ZNF610: variants seen among roughly 807,000 people sequenced by gnomAD.
ZNF610 encodes zinc finger protein 610, also known as zink finger protein.
In ZNF610, 14 loss-of-function variants were observed where a neutral mutation model predicts 14.1. The ratio of observed to expected loss-of-function variants is 0.99; its 90% CI spans 0.65 to 1.55. ZNF610 has a LOEUF of 1.55. Among genes scored for constraint, ZNF610 ranks in the 40% most tolerant of loss-of-function variants. ZNF610 has a pLI of 0.00. For synonymous variants in ZNF610, 185 were observed against 187.6 expected (o/e 0.99, Z 0.11); for missense variants, 530 against 558.0 (o/e 0.95, Z 0.51).
chr19:52,332,460 A>T (rs1339085635), upstream of ZNF610, among the ~76,000 whole-genome samples: 1 of 152,180 alleles, frequency 6.6e-6, no homozygotes, highest in Non-Finnish European at 1.5e-5. The surrounding 1 kb of genome is among the most constrained non-coding windows in gnomAD (Gnocchi z 4.1). Context: ...TGCCATTATC[A>T]TCTTCTTATT....
chr19:52,359,795 C>G (rs1267327191), intron 5 of ZNF610, among the ~76,000 whole-genome samples: 3 of 152,144 alleles, frequency 2.0e-5, no homozygotes, highest in Non-Finnish European at 4.4e-5. Context: ...GTGTCAAAGG[C>G]TTCCCCCATT....
At chr19:52,350,233 T>C (rs1189603885) in intron 3 of ZNF610, among the ~76,000 whole-genome samples, 1 of 152,220 alleles carries the variant, frequency 6.6e-6, no homozygotes, top group Non-Finnish European at 1.5e-5. Flanking sequence ...ATTTGTTTTA[T>C]AGGAAGACAC....
In ZNF610 at chr19:52,367,016, C is replaced by G. The variant is rs1986133669; in HGVS notation, c.*249C>G. ...ATGAAAACTACCAGTATAGCATATT[C>G]TTGAGTAGGATTCACATTTAACTGC... On this transcript the variant is annotated 3_prime_UTR_variant, in exon 6 of 6. Coordinates refer to ENST00000403906, the MANE Select transcript of ZNF610 (RefSeq NM_001161425.2). 4.8e-6 allele frequency: 2 copies of G among 415,666 alleles called. No individual in the cohort carries two copies. Among genetic ancestry groups the G allele is most frequent in the Non-Finnish European group, 8.5e-6 (2 of 236,358 alleles). 25.7% of individuals were successfully genotyped at this position (415,666 alleles called of 1,614,324 possible). A position where few individuals can be genotyped will look rare whatever the true frequency, so the allele number is the denominator to read the frequency against.
intron 5 of ZNF610, among the ~76,000 whole-genome samples, chr19:52,360,993 A>T (rs1985745046): frequency 6.6e-6 from 1 of 152,104 alleles, no homozygotes; most frequent in Non-Finnish European, 1.5e-5. Flanking sequence ...TCAGTATTTG[A>T]TAGCGTTTTA....
At chr19:52,334,960 A>ACACACACACACACACACACACACAG (rs59969071), upstream of ZNF610, among the ~76,000 whole-genome samples, 10,497 of 136,250 alleles carry the variant, frequency 0.077, 513 homozygotes, top group Middle Eastern at 0.17. Context: ...CACACACACA[A>ACACACACACACACACACACACACAG]TGTAATTTAC....
chr19:52,353,294 T>G (rs1382275074), intron 3 of ZNF610, among the ~76,000 whole-genome samples: 3 of 152,236 alleles, frequency 2.0e-5, no homozygotes, highest in South Asian at 4.1e-4. Flanking sequence ...TATCACTGTT[T>G]TATTAATGAA....
Position 52,366,139 on chromosome 19 carries a change from A to T in ZNF610, c.761A>T (p.His254Leu). ...NSHLVEHWRIHTGQKPYKCSE... is the reference protein window; with the variant it reads ...NSHLVEHWRILTGQKPYKCSE... ...CACCTTGTAGAACATTGGAGAATTCATACTGGACAGAAGCCTTACAAATGT... is the reference window on the plus strand; with the variant it reads ...CACCTTGTAGAACATTGGAGAATTCTTACTGGACAGAAGCCTTACAAATGT... Residue 254 changes from histidine to leucine, a missense_variant, in exon 6 of 6, where the codon CAT becomes CTT. Physicochemically the swap from His to Leu is moderately conservative, Grantham distance 99. Coordinates refer to ENST00000403906, the MANE Select transcript of ZNF610 (RefSeq NM_001161425.2). The T allele has an allele frequency of 1.2e-6, 2 of 1,613,950 alleles. No individual in the cohort carries two copies. The highest frequency in any genetic ancestry group is 1.7e-6 in the Non-Finnish European group (2 of 1,179,870).
At position 52,366,565 on chromosome 19, in the gene ZNF610, G is replaced by C. The variant is rs1172046862; in HGVS notation, c.1187G>C (p.Gly396Ala). The C allele has an allele frequency of 6.2e-7, 1 of 1,614,222 alleles. No individual in the cohort carries two copies. Among genetic ancestry groups the C allele is most frequent in the Admixed American group, 1.7e-5 (1 of 60,028 alleles). Reference sequence around the variant, plus strand: ...ATGGCCCATCTTCTAATCCATACTGGAGAGAAACCTTACAAATGTAATGAA... The same window carrying C: ...ATGGCCCATCTTCTAATCCATACTGCAGAGAAACCTTACAAATGTAATGAA... The part of the protein sequence containing the change: ...GLMAHLLIHT[G>A]EKPYKCNECD... Residue 396 changes from glycine (G) to alanine (A), a missense_variant, in exon 6 of 6, where the codon GGA becomes GCA. Physicochemically the swap from Gly to Ala is moderately conservative, Grantham distance 60. Coordinates refer to ENST00000403906, the MANE Select transcript of ZNF610 (RefSeq NM_001161425.2).
intron 5 of ZNF610, among the ~76,000 whole-genome samples, chr19:52,364,315 GTCACTCTCAGGATACTATGTTTCCA>G (rs1985919743): frequency 1.3e-5 from 2 of 152,106 alleles, no homozygotes; most frequent in South Asian, 4.1e-4. Context: ...CTCATACAGT[GTCACTCTCAGGATACTATGTTTCCA>G]TATTTGATCA....
intron 1 of ZNF610, among the ~76,000 whole-genome samples, chr19:52,343,404 A>C (rs773277391): frequency 1.3e-4 from 20 of 151,904 alleles, no homozygotes; most frequent in Non-Finnish European, 2.4e-4. Context: ...CTGTCTCACA[A>C]ACCCACACAC....
In ZNF610 at chr19:52,346,281, C is replaced by T. The variant is rs541275533; in HGVS notation, c.-257-1426C>T. 7.9e-5 allele frequency among the ~76,000 whole-genome samples: 12 copies of T among 151,360 alleles called. 1 individual carries two copies. Among genetic ancestry groups the T allele is most frequent in the African/African-American group, 2.9e-4 (12 of 40,730 alleles). ...CCGGGTTCCAGCGATTCTCCTGCTT[C>T]AGCCTCCTGAGTAGCTGGGATTACA... is the stretch of plus-strand genomic sequence containing the variant. On this transcript the variant is annotated intron_variant, in intron 1 of 5. Transcript: ENST00000403906.
At position 52,336,273 on chromosome 19, in the gene ZNF610, A is replaced by G. The variant is rs1372754805; in HGVS notation, c.-491A>G. 1.5e-5 allele frequency: 4 copies of G among 271,870 alleles called. No individual in the cohort carries two copies. Among genetic ancestry groups the G allele is most frequent in the Non-Finnish European group, 2.8e-5 (4 of 143,330 alleles). The allele number at this position is 271,870 out of a possible 1,614,324, so 16.8% of individuals were successfully genotyped here. A position where few individuals can be genotyped will look rare whatever the true frequency, so the allele number is the denominator to read the frequency against. ...CCCGGAAGCGGATCGCGTGGGTAGA[A>G]GGTCACACCGCAGCGCGTCAGTTTC... On this transcript the variant is annotated 5_prime_UTR_variant, in exon 1 of 6. Coordinates refer to ENST00000403906, the MANE Select transcript of ZNF610 (RefSeq NM_001161425.2).
rs559281988 is a variant in ZNF610, at chr19:52,366,035, T to C, written c.657T>C (p.Leu219=). ...AAGTTTTTAGAGTCCGTGCAAGCCT[T>C]ACTAACCATCAAGTAATCCATACTG... The part of the protein sequence containing the change: ...DGEVFRVRAS[L]TNHQVIHTAE... Residue 219 remains leucine (L), a synonymous_variant, in exon 6 of 6, where the codon CTT becomes CTC. Transcript: ENST00000403906. The C allele has an allele frequency of 3.5e-5, 57 of 1,614,118 alleles. 2 individuals carry two copies. In the South Asian group the frequency reaches 6.3e-4, roughly 18 times the overall value.
At chr19:52,352,293 C>T (rs891665436) in intron 3 of ZNF610, among the ~76,000 whole-genome samples, 9 of 152,096 alleles carry the variant, frequency 5.9e-5, no homozygotes, top group African/African-American at 1.7e-4. Flanking sequence ...GGCTGGAGTG[C>T]AATGGCGTGA....
the ZNF610 span, among the ~76,000 whole-genome samples, chr19:52,330,985 A>G: frequency 6.6e-6 from 1 of 152,218 alleles, no homozygotes; most frequent in Non-Finnish European, 1.5e-5. Flanking sequence ...CCTATGCAGA[A>G]AAATTCCAAA....
intron 3 of ZNF610, among the ~76,000 whole-genome samples, chr19:52,352,680 T>C (rs1345455224): frequency 1.3e-5 from 2 of 152,178 alleles, no homozygotes; most frequent in Non-Finnish European, 1.5e-5. Flanking sequence ...CTGTTTTTTT[T>C]CCTCTGCTTC....
At chr19:52,331,311 T>C (rs1364704892), upstream of ZNF610, among the ~76,000 whole-genome samples, 2 of 152,176 alleles carry the variant, frequency 1.3e-5, no homozygotes, top group Non-Finnish European at 2.9e-5. Flanking sequence ...CAAATCCCAA[T>C]AGAGTGGCAG....
At chr19:52,359,649 A>G (rs1985685664) in intron 5 of ZNF610, among the ~76,000 whole-genome samples, 1 of 152,208 alleles carries the variant, frequency 6.6e-6, no homozygotes, top group African/African-American at 2.4e-5. Context: ...CTGTCAAGAC[A>G]GAATAAGACT....
At chr19:52,332,468 A>C (rs907834519), upstream of ZNF610, among the ~76,000 whole-genome samples, 10 of 152,184 alleles carry the variant, frequency 6.6e-5, no homozygotes, top group African/African-American at 1.7e-4. This position sits in a 1 kb window ranked among gnomAD's most constrained non-coding sequence, Gnocchi z 4.1. Context: ...TCATCTTCTT[A>C]TTCTGTGGGA....
Sources: gnomAD v4.1 joint callset for allele counts (sites outside exome capture counted in the v4.1 genomes callset) on GRCh38, gnomAD v4.1.1 for gene constraint, Gnocchi (gnomAD v3.1) non-coding constraint, MANE v1.5 for transcripts, NCBI Gene and HGNC (gene_info 2026-07-23, HGNC 2026-07-21) for gene names.